The following TMEM230 variants were observed in gnomAD, a reference collection of about 807,000 sequenced individuals.
The protein encoded by TMEM230 is UPF0414 transmembrane protein C20orf30.
TMEM230 carries 10 observed loss-of-function variants against 15.8 expected under a neutral mutation model. That is an observed-to-expected ratio of 0.63 (90% CI 0.39 to 1.07). The LOEUF is 1.07. Among genes scored for constraint, TMEM230 ranks in the 50% least tolerant of loss-of-function variants. TMEM230 has a pLI of 0.01. For missense variants in TMEM230, 165 were observed against 193.3 expected (o/e 0.85, Z 0.87); for synonymous variants, 67 against 76.9 (o/e 0.87, Z 0.68).
At chr20:5,091,084 G>C (rs2089492613) in intron 3 of TMEM230, among the ~76,000 whole-genome samples, 1 of 152,128 alleles carries the variant, frequency 6.6e-6, no homozygotes, top group Non-Finnish European at 1.5e-5. Flanking sequence ...CTGCCGCCTT[G>C]AACTCGTGGA....
At chr20:5,079,218 G>T (rs75624094) in intron 3 of TMEM230, among the ~76,000 whole-genome samples, 4,176 of 152,192 alleles carry the variant, frequency 0.027, 188 homozygotes, top group African/African-American at 0.095. Context: ...TGATCTCCTG[G>T]GTTCAAGGAA....
chr20:5,101,934 G>C (rs574332746), intron 4 of TMEM230, among the ~76,000 whole-genome samples: 1 of 152,354 alleles, frequency 6.6e-6, no homozygotes, highest in African/African-American at 2.4e-5. Context: ...ACATATAACA[G>C]AATTGCTATT....
intron 3 of TMEM230, among the ~76,000 whole-genome samples, chr20:5,081,948 A>G (rs2122598673): frequency 6.9e-6 from 1 of 145,802 alleles, no homozygotes; most frequent in African/African-American, 2.6e-5. Flanking sequence ...ATCTCGGCTC[A>G]CTACAACCTC....
the TMEM230 span, among the ~76,000 whole-genome samples, chr20:5,060,332 CTTTTTTTTTTT>C: frequency 2.9e-5 from 3 of 102,912 alleles, no homozygotes; most frequent in East Asian, 2.7e-4. Context: ...AGTGTATTGT[CTTTTTTTTTTT>C]TTTTTTTTTT....
intron 3 of TMEM230, among the ~76,000 whole-genome samples, chr20:5,090,512 T>A (rs1413014813): frequency 6.6e-6 from 1 of 152,094 alleles, no homozygotes; most frequent in Non-Finnish European, 1.5e-5. Flanking sequence ...GAGAGTTCTT[T>A]CAGATGAAAC....
chr20:5,071,547 C>T (rs764190739), intron 3 of TMEM230, among the ~76,000 whole-genome samples: 28 of 150,206 alleles, frequency 1.9e-4, no homozygotes, highest in African/African-American at 2.7e-4. Context: ...CGCTTGAACC[C>T]GGACGGCGGA....
chr20:5,109,665 C>G (rs1218595494), intron 2 of TMEM230, among the ~76,000 whole-genome samples: 1 of 152,178 alleles, frequency 6.6e-6, no homozygotes, highest in African/African-American at 2.4e-5. Flanking sequence ...AAGATTCTCA[C>G]TATGTATTAA....
At chr20:5,082,109 A>G (rs1021371709) in intron 3 of TMEM230, among the ~76,000 whole-genome samples, 77 of 151,424 alleles carry the variant, frequency 5.1e-4, no homozygotes, top group African/African-American at 1.7e-3. Flanking sequence ...CTGGTCTCAA[A>G]TAGCTGACCT....
chr20:5,099,228 A>C (rs199843160), downstream of TMEM230, among the ~76,000 whole-genome samples: 602 of 91,250 alleles, frequency 6.6e-3, 3 homozygotes, highest in Admixed American at 0.014. Flanking sequence ...ATAAATAAAT[A>C]AATAAATCAA....
intron 3 of TMEM230, among the ~76,000 whole-genome samples, chr20:5,082,447 TTTTG>T (rs1382929638): frequency 1.3e-5 from 2 of 150,272 alleles, no homozygotes; most frequent in East Asian, 1.9e-4. Flanking sequence ...ACTACATAGT[TTTTG>T]TTTGTTTTGA....
At chr20:5,062,231 G>GA in the TMEM230 span, among the ~76,000 whole-genome samples, 431 of 139,592 alleles carry the variant, frequency 3.1e-3, no homozygotes, top group Middle Eastern at 7.5e-3. Flanking sequence ...TCAAAAAAAA[G>GA]AAAAAAAAAA....
chr20:5,073,027 A>C (rs1221028108), intron 3 of TMEM230, among the ~76,000 whole-genome samples: 5 of 152,086 alleles, frequency 3.3e-5, no homozygotes. Flanking sequence ...GGAAACAGTA[A>C]GGGAATGAAG....
At chr20:5,061,041 G>C in the TMEM230 span, 13 of 152,164 alleles carry the variant, frequency 8.5e-5, no homozygotes. Context: ...TGGGAGTGTA[G>C]TATACAGTTT....
chr20:5,112,856 C>T, intron 1 of TMEM230, 105 bp downstream of exon 1: 1 of 1,546,064 alleles, frequency 6.5e-7, no homozygotes, highest in Non-Finnish European at 8.7e-7. Context: ...ACGAATGCCC[C>T]ACACGGATGA....
chr20:5,067,459 A>ATATATATG (rs1379712330), downstream of TMEM230: 1 of 126,846 alleles, frequency 7.9e-6, no homozygotes, highest in African/African-American at 3.0e-5. Flanking sequence ...ATATATATAT[A>ATATATATG]TTTTAAGACA....
At chr20:5,103,627 T>C (rs1305230751) in intron 4 of TMEM230, among the ~76,000 whole-genome samples, 1 of 133,114 alleles carries the variant, frequency 7.5e-6, no homozygotes, top group African/African-American at 3.5e-5. Flanking sequence ...TGAGATTCTG[T>C]CTCAAAAAAA....
intron 3 of TMEM230, among the ~76,000 whole-genome samples, chr20:5,071,154 A>G (rs2088810105): frequency 6.6e-6 from 1 of 152,140 alleles, no homozygotes; most frequent in Non-Finnish European, 1.5e-5. Context: ...GGGAGTGCGG[A>G]TACCTTTGAT....
At chr20:5,074,088 T>C (rs2122557929) in intron 3 of TMEM230, among the ~76,000 whole-genome samples, 1 of 152,146 alleles carries the variant, frequency 6.6e-6, no homozygotes, top group Middle Eastern at 3.4e-3. Flanking sequence ...GCTCACTCAT[T>C]ACCATGAGAT....
chr20:5,090,258 G>A (rs2089469719), intron 3 of TMEM230, among the ~76,000 whole-genome samples: 2 of 152,128 alleles, frequency 1.3e-5, no homozygotes, highest in Admixed American at 1.3e-4. Flanking sequence ...CAGACTGAAA[G>A]GGCCAAGAGC....
Sources: allele counts gnomAD v4.1 joint callset (sites outside exome capture counted in the v4.1 genomes callset), GRCh38; gene constraint gnomAD v4.1.1; transcripts MANE v1.5; gene names NCBI Gene and HGNC (gene_info 2026-07-23, HGNC 2026-07-21).